The following TVP23A variants were observed in gnomAD, a reference collection of about 807,000 sequenced individuals.
TVP23A encodes Golgi apparatus membrane protein TVP23 homolog A.
A neutral mutation model predicts 31.7 loss-of-function variants in TVP23A; 21 were observed. The ratio of observed to expected loss-of-function variants is 0.66; its 90% confidence interval spans 0.47 to 0.95. The LOEUF (loss-of-function observed/expected upper bound fraction) is 0.95, where lower values mean the gene tolerates loss of function less well. TVP23A is among the 40% of genes least tolerant of loss of function. The probability of loss-of-function intolerance (pLI) is 0.00; values close to 1 mark genes in which losing one functional copy is unlikely to be tolerated. For synonymous variants in TVP23A, 104 were observed against 96.0 expected (o/e 1.08, Z -0.49); for missense variants, 279 against 255.6 (o/e 1.09, Z -0.62).
chr16:10,775,021 G>A lies in TVP23A; in HGVS notation c.165C>T (p.Phe55=). ...AIVTYVSCDW[F]SKSFVGCFVM... ...CAAAACAGCCCACAAAGCTCTTGCT[G>A]AACCAGTCGCAGCTCACGTAGGTGA... The change falls in exon 3 of 8, where the codon TTC becomes TTT. Residue 55 remains phenylalanine (F), a synonymous_variant. Transcript: ENST00000299866. The A allele has an allele frequency of 1.2e-6, 2 of 1,612,564 alleles. No homozygotes were observed. The highest frequency in any genetic ancestry group is 4.5e-5 in the East Asian group (2 of 44,834).
chr16:10,781,243 C>T (rs993658789), intron 2 of TVP23A, among the ~76,000 whole-genome samples: 15 of 151,484 alleles, frequency 9.9e-5, no homozygotes, highest in East Asian at 1.9e-4. Context: ...ACAGGAGGAT[C>T]GCTTGAACCT....
intron 2 of TVP23A, among the ~76,000 whole-genome samples, chr16:10,804,253 G>C (rs1037563815): frequency 2.0e-5 from 3 of 152,314 alleles, no homozygotes; most frequent in South Asian, 4.1e-4. Context: ...AAGGCCTCTT[G>C]GGCCCCTGGA....
chr16:10,799,439 T>C (rs1418822509), intron 2 of TVP23A, among the ~76,000 whole-genome samples: 1 of 152,184 alleles, frequency 6.6e-6, no homozygotes, highest in Non-Finnish European at 1.5e-5. Flanking sequence ...GTTCAAATGA[T>C]TCTACTGCCT....
chr16:10,770,898 T>TAAAAAA (rs2031559920), intron 6 of TVP23A, among the ~76,000 whole-genome samples: 1 of 118,468 alleles, frequency 8.4e-6, no homozygotes, highest in African/African-American at 3.6e-5. Flanking sequence ...AAAAAAAAAT[T>TAAAAAA]GAAAAACCGT....
At chr16:10,770,172 C>G (rs923772874) in intron 7 of TVP23A, 100 bp downstream of exon 7, 5 of 1,454,032 alleles carry the variant, frequency 3.4e-6, no homozygotes, top group Non-Finnish European at 2.8e-6. Flanking sequence ...CCCCAGGGAA[C>G]AGGGGAAGCC....
downstream of TVP23A, among the ~76,000 whole-genome samples, chr16:10,764,295 G>T (rs549482201): frequency 6.6e-6 from 1 of 152,384 alleles, no homozygotes; most frequent in South Asian, 2.1e-4. Flanking sequence ...CAGTCTGCTG[G>T]AGTATTTGTC....
chr16:10,785,153 C>A (rs1451522029), intron 2 of TVP23A, among the ~76,000 whole-genome samples: 1 of 150,394 alleles, frequency 6.6e-6, no homozygotes, highest in Non-Finnish European at 1.5e-5. Flanking sequence ...GCCTATAATC[C>A]CAGCACTTTG....
rs34139987 is a variant in TVP23A, at chr16:10,777,626, A to G, written c.90-2530T>C. On this transcript the variant is annotated intron_variant, in intron 2 of 7. Coordinates refer to ENST00000299866, the MANE Select transcript of TVP23A (RefSeq NM_001079512.4). This position sits in a 1 kb window ranked among gnomAD's most constrained non-coding sequence, Gnocchi z 4.5. The stretch of plus-strand genomic sequence containing the variant: ...CGTAGCAAAGCACCAACTATTCACC[A>G]GGATGGGTCTCATCTGAGCCTCTCA... Among the ~76,000 whole-genome samples, 2,471 of 152,370 alleles carry G rather than the reference A, an allele frequency of 0.016. 39 individuals carry two copies. The highest frequency in any genetic ancestry group is 0.025 in the Non-Finnish European group (1,719 of 68,034).
chr16:10,795,366 T>C (rs1199932297), intron 2 of TVP23A, among the ~76,000 whole-genome samples: 1 of 151,832 alleles, frequency 6.6e-6, no homozygotes, highest in African/African-American at 2.4e-5. Context: ...TTCTCCTGCC[T>C]CAGCCTCCCG....
intron 2 of TVP23A, among the ~76,000 whole-genome samples, chr16:10,789,299 TCCC>T (rs1199446430): frequency 2.0e-5 from 3 of 151,518 alleles, no homozygotes; most frequent in African/African-American, 4.9e-5. Context: ...AGTGCAGAAT[TCCC>T]CCCCAAGAGA....
chr16:10,778,099 C>T (rs1027610021), intron 2 of TVP23A, among the ~76,000 whole-genome samples: 11 of 151,904 alleles, frequency 7.2e-5, no homozygotes, highest in Admixed American at 2.0e-4. Flanking sequence ...TTTGGGAGGC[C>T]GAGGCAGGCA....
At chr16:10,793,619 G>C (rs1271192278) in intron 2 of TVP23A, among the ~76,000 whole-genome samples, 1 of 152,066 alleles carries the variant, frequency 6.6e-6, no homozygotes, top group East Asian at 1.9e-4. Context: ...TATTTGGCTA[G>C]GTACGGTGGC....
At chr16:10,758,837 C>T (rs1900748949), downstream of TVP23A, among the ~76,000 whole-genome samples, 2 of 152,178 alleles carry the variant, frequency 1.3e-5, no homozygotes, top group African/African-American at 4.8e-5. Context: ...ACCCAGCAAC[C>T]CTCTGTAGCA....
At chr16:10,761,793 G>T (rs144134176), downstream of TVP23A, 2 of 1,614,064 alleles carry the variant, frequency 1.2e-6, no homozygotes, top group Admixed American at 3.3e-5. Context: ...AACCGGGGGC[G>T]CGGAGCTCAT....
chr16:10,774,659 G>C lies in TVP23A; in HGVS notation c.234+293C>G, dbSNP rs2031875654. On this transcript the variant is annotated intron_variant, in intron 3 of 7. Coordinates refer to ENST00000299866, the MANE Select transcript of TVP23A (RefSeq NM_001079512.4). The stretch of plus-strand genomic sequence containing the variant: ...GAGTTTGACTCTTGTCACCCAGGCT[G>C]GAGTGCAATGGCACAACCTCGGCTC... Among the ~76,000 whole-genome samples the C allele has an allele frequency of 2.0e-5, 3 of 148,060 alleles. No individual in the cohort carries two copies. In the South Asian group the frequency reaches 6.4e-4, roughly 31 times the overall value.
At chr16:10,783,933 G>A (rs1219548431) in intron 2 of TVP23A, among the ~76,000 whole-genome samples, 1 of 152,166 alleles carries the variant, frequency 6.6e-6, no homozygotes, top group African/African-American at 2.4e-5. Context: ...AGTTCCAGAG[G>A]GTGGGGAGGG....
chr16:10,801,530 C>T (rs1384371635), intron 2 of TVP23A, among the ~76,000 whole-genome samples: 1 of 152,062 alleles, frequency 6.6e-6, no homozygotes, highest in Non-Finnish European at 1.5e-5. Flanking sequence ...GATCTCAGCT[C>T]ACTGCAACCT....
rs181220884 is a variant in TVP23A, at chr16:10,788,770, A to T, written c.90-13674T>A. Among the ~76,000 whole-genome samples the T allele has an allele frequency of 2.0e-3, 304 of 152,324 alleles. 1 individual carries two copies. Among genetic ancestry groups the T allele is most frequent in the African/African-American group, 6.9e-3 (287 of 41,570 alleles). ...TTTAAATGAATCTCCTTTGTGCTCA[A>T]ACAGCGTATTTTTAACTTAACAGAG... On this transcript the variant is annotated intron_variant, in intron 2 of 7. Coordinates refer to ENST00000299866, the MANE Select transcript of TVP23A (RefSeq NM_001079512.4).
chr16:10,790,937 G>C lies in TVP23A; in HGVS notation c.90-15841C>G, dbSNP rs572054198. The stretch of plus-strand genomic sequence containing the variant: ...CCTGGATTCCAATGGGAGGAGGGTA[G>C]AACGAGGCATGTCTGACCCCCACCT... On this transcript the variant is annotated intron_variant, in intron 2 of 7. Transcript: ENST00000299866. 2.0e-5 allele frequency among the ~76,000 whole-genome samples: 3 copies of C among 152,302 alleles called. No individual in the cohort carries two copies. The South Asian group carries it at 6.2e-4, about 32-fold the overall frequency.
Sources: allele counts gnomAD v4.1 joint callset (sites outside exome capture counted in the v4.1 genomes callset), GRCh38; gene constraint gnomAD v4.1.1; non-coding constraint Gnocchi (gnomAD v3.1); transcripts MANE v1.5; gene names NCBI Gene and HGNC (gene_info 2026-07-23, HGNC 2026-07-21).